ENOX1: variants seen among roughly 807,000 people sequenced by gnomAD.
ENOX1 encodes the protein candidate growth-related and time keeping constitutive hydroquinone (NADH) oxidase.
A neutral mutation model predicts 82.5 loss-of-function variants in ENOX1; 42 were observed. The ratio of observed to expected loss-of-function variants is 0.51; its 90% confidence interval spans 0.40 to 0.66. ENOX1 has a LOEUF of 0.66. ENOX1 is among the 30% of genes least tolerant of loss of function. The probability of loss-of-function intolerance (pLI) is 0.00; values close to 1 mark genes in which losing one functional copy is unlikely to be tolerated. For synonymous variants in ENOX1, 271 were observed against 282.2 expected, an observed-to-expected ratio of 0.96 and a Z score of 0.40; for missense variants, 608 against 811.6, an observed-to-expected ratio of 0.75 and a Z score of 3.05.
intron 9 of ENOX1, among the ~76,000 whole-genome samples, chr13:43,342,226 T>C (rs1238165250): frequency 6.6e-6 from 1 of 152,188 alleles, no homozygotes; most frequent in African/African-American, 2.4e-5. Context: ...CGTGTCTAAC[T>C]GACACATCAA....
chr13:43,742,325 T>C (rs991228834), intron 1 of ENOX1, among the ~76,000 whole-genome samples: 1 of 152,080 alleles, frequency 6.6e-6, no homozygotes, highest in African/African-American at 2.4e-5. Context: ...GTGTTAGTCC[T>C]GGTCCAAGTC....
At chr13:43,659,584 G>C (rs923543166) in intron 2 of ENOX1, among the ~76,000 whole-genome samples, 7 of 151,558 alleles carry the variant, frequency 4.6e-5, no homozygotes, top group Non-Finnish European at 8.8e-5. Context: ...CATGATATTA[G>C]ACATTTCCTT....
chr13:43,529,309 T>C (rs1283098236), intron 2 of ENOX1, among the ~76,000 whole-genome samples: 1 of 152,032 alleles, frequency 6.6e-6, no homozygotes, highest in Non-Finnish European at 1.5e-5. Context: ...CAACTGTCCT[T>C]GTATCTCAGT....
intron 2 of ENOX1, among the ~76,000 whole-genome samples, chr13:43,576,968 A>G (rs1465392603): frequency 1.3e-5 from 2 of 152,188 alleles, no homozygotes; most frequent in African/African-American, 4.8e-5. Context: ...TTCAATCACT[A>G]TTCCAATAAA....
intron 12 of ENOX1, among the ~76,000 whole-genome samples, chr13:43,294,165 A>G (rs1288734716): frequency 6.6e-6 from 1 of 152,212 alleles, no homozygotes; most frequent in African/African-American, 2.4e-5. Context: ...ACTAGATTTA[A>G]CACTGTTCAA....
At chr13:43,596,304 A>G (rs2081470861) in intron 2 of ENOX1, among the ~76,000 whole-genome samples, 1 of 152,194 alleles carries the variant, frequency 6.6e-6, no homozygotes, top group South Asian at 2.1e-4. Context: ...GCTCATCTAC[A>G]TTTAACACCA....
chr13:43,716,822 T>C (rs767223630), intron 1 of ENOX1, among the ~76,000 whole-genome samples: 2 of 151,426 alleles, frequency 1.3e-5, no homozygotes, highest in Non-Finnish European at 2.9e-5. Flanking sequence ...GGAATTCATC[T>C]AACCAAATAG....
Position 43,359,984 on chromosome 13 carries a change from A to G in ENOX1, c.456T>C (p.Asn152=). Residue 152 remains asparagine, a synonymous_variant, in exon 7 of 17, where the codon AAT becomes AAC. Coordinates refer to ENST00000690772, the MANE Select transcript of ENOX1 (RefSeq NM_001347969.2). ...KTVFVGGLPE[N]ATEEIIQEVF... is the part of the protein sequence containing the mutation. Reference sequence around the variant, plus strand: ...CTTCTTGAATAATTTCCTCAGTAGCATTTTCTGGTAATCCTCCGACAAACA... The same window carrying G: ...CTTCTTGAATAATTTCCTCAGTAGCGTTTTCTGGTAATCCTCCGACAAACA... The G allele has an allele frequency of 6.2e-7, 1 of 1,614,174 alleles. No homozygotes were observed. Among genetic ancestry groups the G allele is most frequent in the South Asian group, 1.1e-5 (1 of 91,078 alleles).
At position 43,232,202 on chromosome 13, in the gene ENOX1, A is replaced by G. The variant is rs187868945; in HGVS notation, c.1714+4434T>C. Among the ~76,000 whole-genome samples, 538 of 148,710 alleles carry G rather than the reference A, an allele frequency of 3.6e-3. 3 individuals carry two copies. The highest frequency in any genetic ancestry group is 0.013 in the African/African-American group (522 of 40,326). On this transcript the variant is annotated intron_variant, in intron 15 of 16. Coordinates refer to ENST00000690772, the MANE Select transcript of ENOX1 (RefSeq NM_001347969.2). Reference sequence around the variant, plus strand: ...TCCTGCCTTGGCCTCCCAAGGTGCTAGGATTATAGGCGTGAGCCACCACAC... The same window carrying G: ...TCCTGCCTTGGCCTCCCAAGGTGCTGGGATTATAGGCGTGAGCCACCACAC...
At chr13:43,558,288 C>T (rs2079528545) in intron 2 of ENOX1, among the ~76,000 whole-genome samples, 1 of 152,216 alleles carries the variant, frequency 6.6e-6, no homozygotes, top group East Asian at 1.9e-4. Flanking sequence ...AGGCCATCAG[C>T]TGTTGTGTTA....
At chr13:43,613,905 GC>G (rs1465112177) in intron 2 of ENOX1, among the ~76,000 whole-genome samples, 2 of 152,000 alleles carry the variant, frequency 1.3e-5, no homozygotes, top group African/African-American at 2.4e-5. Flanking sequence ...CTGCATTCCA[GC>G]TTGGGCTACA....
chr13:43,756,918 TCC>T (rs1318175094), intron 1 of ENOX1, among the ~76,000 whole-genome samples: 3 of 139,608 alleles, frequency 2.1e-5, no homozygotes, highest in Non-Finnish European at 4.5e-5. Flanking sequence ...AGCCCAGGGT[TCC>T]AACCCTGGAC....
Position 43,356,161 on chromosome 13 carries a change from A to G in ENOX1, c.590-9T>C, listed in dbSNP as rs1349748991. On this transcript the variant is annotated splice_polypyrimidine_tract_variant and intron_variant, in intron 7 of 16. Transcript: ENST00000690772. The stretch of plus-strand genomic sequence containing the variant: ...TAATCGCATCCTATAACCTGAAACC[A>G]ATGGAAACTCTGGTCACACCATAAT... The G allele has an allele frequency of 8.1e-6, 13 of 1,612,544 alleles. No homozygotes were observed. Among genetic ancestry groups the G allele is most frequent in the Non-Finnish European group, 1.0e-5 (12 of 1,179,284 alleles).
chr13:43,385,047 G>T (rs2052320946), intron 5 of ENOX1, among the ~76,000 whole-genome samples: 1 of 152,178 alleles, frequency 6.6e-6, no homozygotes, highest in Admixed American at 6.5e-5. Flanking sequence ...GGAACTGGAA[G>T]GACTGTGGCA....
intron 2 of ENOX1, among the ~76,000 whole-genome samples, chr13:43,636,202 G>A (rs1316693103): frequency 6.6e-6 from 1 of 152,200 alleles, no homozygotes; most frequent in African/African-American, 2.4e-5. Flanking sequence ...CCATGCTCAT[G>A]GTCACGCAAA....
At chr13:43,623,372 G>T (rs920050962) in intron 2 of ENOX1, among the ~76,000 whole-genome samples, 1 of 152,096 alleles carries the variant, frequency 6.6e-6, no homozygotes, top group African/African-American at 2.4e-5. Flanking sequence ...GATCCCCATG[G>T]TGCCAGGCAG....
At chr13:43,606,233 T>C (rs1477122881) in intron 2 of ENOX1, among the ~76,000 whole-genome samples, 2 of 152,082 alleles carry the variant, frequency 1.3e-5, no homozygotes, top group African/African-American at 4.8e-5. Context: ...GTATAACCAC[T>C]AGGGAGAACA....
intron 2 of ENOX1, chr13:43,545,836 A>G (rs1256159963): frequency 6.6e-6 from 1 of 152,222 alleles, no homozygotes; most frequent in Non-Finnish European, 1.5e-5. Context: ...GGCATCTACT[A>G]TCCTCTCTCC....
At chr13:43,317,271 T>G (rs2047555711) in intron 11 of ENOX1, among the ~76,000 whole-genome samples, 1 of 152,190 alleles carries the variant, frequency 6.6e-6, no homozygotes, top group African/African-American at 2.4e-5. Context: ...TTTCTACCAG[T>G]GTGAATGACA....
Sources: allele counts gnomAD v4.1 joint callset (sites outside exome capture counted in the v4.1 genomes callset), GRCh38; gene constraint gnomAD v4.1.1; transcripts MANE v1.5; gene names NCBI Gene and HGNC (gene_info 2026-07-23, HGNC 2026-07-21).